The following WDR1 variants were observed in gnomAD, a reference collection of about 807,000 sequenced individuals.
WDR1 encodes WD repeat-containing protein 1.
A neutral mutation model predicts 71.9 loss-of-function variants in WDR1; 21 were observed. That is an observed-to-expected ratio of 0.29 (90% confidence interval 0.21 to 0.42). The LOEUF (loss-of-function observed/expected upper bound fraction) is 0.42. WDR1 is among the 10% of genes least tolerant of loss of function. The pLI is 1.00. For synonymous variants in WDR1, 424 were observed against 347.4 expected, an observed-to-expected ratio of 1.22 and a Z score of -2.45; for missense variants, 696 against 824.5, an observed-to-expected ratio of 0.84 and a Z score of 1.91.
chr4:10,115,785 A>ACTAAT (rs1172726140), intron 2 of WDR1: 2 of 215,944 alleles, frequency 9.3e-6, no homozygotes, highest in Admixed American at 5.8e-5. Flanking sequence ...TAAGGAATGA[A>ACTAAT]CTAATCTAAT....
At chr4:10,093,135 G>A (rs1712112216) in intron 5 of WDR1, 2 of 1,289,342 alleles carry the variant, frequency 1.6e-6, no homozygotes, top group Non-Finnish European at 2.0e-6. Flanking sequence ...GCAGGCCCCA[G>A]CTGGCCTGTC....
chr4:10,082,622 T>C (rs968512129), intron 10 of WDR1, among the ~76,000 whole-genome samples: 22 of 151,634 alleles, frequency 1.5e-4, no homozygotes, highest in African/African-American at 4.6e-4. Context: ...AGAAGGGGAA[T>C]GCTGTCTTGT....
At chr4:10,088,942 A>G (rs915855095) in intron 5 of WDR1, among the ~76,000 whole-genome samples, 1 of 152,222 alleles carries the variant, frequency 6.6e-6, no homozygotes, top group African/African-American at 2.4e-5. Context: ...CCTGCCTGCC[A>G]TGCTGACCGC....
chr4:10,083,664 G>T (rs1765101655), intron 9 of WDR1: 2 of 475,018 alleles, frequency 4.2e-6, no homozygotes, highest in African/African-American at 2.0e-5. Flanking sequence ...GCTCAGGGAG[G>T]GCAGCAGAAC....
intron 3 of WDR1, among the ~76,000 whole-genome samples, chr4:10,100,426 G>A (rs1470489325): frequency 6.6e-6 from 1 of 152,250 alleles, no homozygotes; most frequent in Non-Finnish European, 1.5e-5. Context: ...CACAGCAAGA[G>A]CTCGTTACGA....
At chr4:10,100,768 G>T (rs538143178) in intron 3 of WDR1, among the ~76,000 whole-genome samples, 1 of 152,236 alleles carries the variant, frequency 6.6e-6, no homozygotes, top group South Asian at 2.1e-4. Flanking sequence ...AACAGGCCGG[G>T]GGGGAAGAAG....
intron 3 of WDR1, among the ~76,000 whole-genome samples, chr4:10,103,273 C>CACACACACACACACAG (rs1262920911): frequency 1.1e-5 from 1 of 95,212 alleles, no homozygotes; most frequent in East Asian, 3.4e-4. Context: ...CACATACACA[C>CACACACACACACACAG]ACACACACAC....
intron 5 of WDR1, among the ~76,000 whole-genome samples, chr4:10,094,529 C>T (rs911105402): frequency 6.6e-6 from 1 of 152,218 alleles, no homozygotes; most frequent in African/African-American, 2.4e-5. Flanking sequence ...TCTCGCCACC[C>T]TCCCTTTTTC....
chr4:10,090,823 C>A (rs1435086641), intron 5 of WDR1, among the ~76,000 whole-genome samples: 2 of 152,274 alleles, frequency 1.3e-5, no homozygotes, highest in South Asian at 2.1e-4. Flanking sequence ...ACGACAGTCA[C>A]GTTTCCATCC....
rs1713715650 is a variant in WDR1, at chr4:10,116,246, C to T, written c.17-12G>A. The T allele has an allele frequency of 1.2e-6, 2 of 1,613,122 alleles. No individual in the cohort carries two copies. Among genetic ancestry groups the T allele is most frequent in the African/African-American group, 1.3e-5 (1 of 74,936 alleles). On this transcript the variant is annotated splice_polypyrimidine_tract_variant and intron_variant, in intron 1 of 14. Transcript: ENST00000499869. Reference sequence around the variant, plus strand: ...GGCGAACACCTTCTCTGCGGAGACACAAATGCGGCGGGGCATGTCAGGGCA... The same window carrying T: ...GGCGAACACCTTCTCTGCGGAGACATAAATGCGGCGGGGCATGTCAGGGCA...
At chr4:10,115,377 C>T (rs549345961) in intron 2 of WDR1, among the ~76,000 whole-genome samples, 8 of 152,314 alleles carry the variant, frequency 5.3e-5, no homozygotes, top group African/African-American at 1.9e-4. Flanking sequence ...GCCTGGGTAC[C>T]GGAGGCTTGC....
At chr4:10,105,442 G>A (rs146431904) in intron 2 of WDR1, among the ~76,000 whole-genome samples, 111 of 152,282 alleles carry the variant, frequency 7.3e-4, no homozygotes, top group Middle Eastern at 6.8e-3. Context: ...TGGGATAATC[G>A]TTCGCCAGTG....
chr4:10,108,390 A>C (rs1284168354), intron 2 of WDR1: 3 of 152,320 alleles, frequency 2.0e-5, no homozygotes. Flanking sequence ...AGAAGGTTGG[A>C]GATACCTGCC....
chr4:10,103,857 C>T (rs748520965), intron 3 of WDR1, 39 bp downstream of exon 3: 2 of 1,542,048 alleles, frequency 1.3e-6, no homozygotes, highest in South Asian at 2.4e-5. Context: ...GCCACCCAGG[C>T]CCCCACAGGT....
At chr4:10,080,234 T>A (rs1280997102) in intron 11 of WDR1, among the ~76,000 whole-genome samples, 2 of 152,154 alleles carry the variant, frequency 1.3e-5, no homozygotes, top group Non-Finnish European at 2.9e-5. Flanking sequence ...ACCACAACTT[T>A]ACAGATGAGG....
At position 10,115,737 on chromosome 4, in the gene WDR1, G is replaced by A. The variant is rs890298540; in HGVS notation, c.138+376C>T. On this transcript the variant is annotated intron_variant, in intron 2 of 14. Transcript: ENST00000499869. ...TCTCAAGGTCACGCAGCGGCCGACCGGGTCAGTCTGATCCCTCAAATCCGG... is the reference window on the plus strand; with the variant it reads ...TCTCAAGGTCACGCAGCGGCCGACCAGGTCAGTCTGATCCCTCAAATCCGG... 2.4e-5 allele frequency: 4 copies of A among 163,324 alleles called. No homozygotes were observed. In the South Asian group the frequency reaches 6.1e-4, roughly 25 times the overall value. The allele number at this position is 163,324 out of a possible 1,614,324, so 10.1% of individuals were successfully genotyped here.
chr4:10,081,533 G>C, intron 10 of WDR1, 89 bp from the exon 11 acceptor site: 1 of 1,301,670 alleles, frequency 7.7e-7, no homozygotes, highest in East Asian at 2.4e-5. Context: ...CCACAGTTTT[G>C]CTCCTTAGAA....
chr4:10,084,168 T>G lies in WDR1; in HGVS notation c.1039+275A>C, dbSNP rs75425439. ...AGCTCAGGGCCGTTAAGCCACACTC[T>G]CAGGGTTGCACGACAAGAAGGGACT... On this transcript the variant is annotated intron_variant, in intron 9 of 14. Transcript: ENST00000499869. Among the ~76,000 whole-genome samples, 782 of 152,312 alleles carry G rather than the reference T, an allele frequency of 5.1e-3. 10 individuals carry two copies. The highest frequency in any genetic ancestry group is 0.018 in the African/African-American group (735 of 41,574).
In WDR1 at chr4:10,115,632, G is replaced by A. The variant is rs145242845; in HGVS notation, c.138+481C>T. 1.5e-3 allele frequency: 231 copies of A among 153,222 alleles called. No individual in the cohort carries two copies. The Middle Eastern group carries it at 0.024, about 16-fold the overall frequency. 9.5% of individuals were successfully genotyped at this position (153,222 alleles called of 1,614,324 possible). ...CATTCCATCTGCCCAGCCAGCAGGCGAAGCGAGAGTGGTCATCATCTCATC... is the reference window on the plus strand; with the variant it reads ...CATTCCATCTGCCCAGCCAGCAGGCAAAGCGAGAGTGGTCATCATCTCATC... On this transcript the variant is annotated intron_variant, in intron 2 of 14. Transcript: ENST00000499869.
Sources: allele counts gnomAD v4.1 joint callset (sites outside exome capture counted in the v4.1 genomes callset), GRCh38; gene constraint gnomAD v4.1.1; transcripts MANE v1.5; gene names NCBI Gene and HGNC (gene_info 2026-07-23, HGNC 2026-07-21).